PTPRG: variants seen among roughly 807,000 people sequenced by gnomAD.
PTPRG encodes the protein receptor-type tyrosine-protein phosphatase gamma.
A neutral mutation model predicts 165.3 loss-of-function variants in PTPRG; 102 were observed. The ratio of observed to expected loss-of-function variants is 0.62; its 90% CI spans 0.53 to 0.73. PTPRG has a LOEUF of 0.73. PTPRG is among the 30% of genes least tolerant of loss of function. PTPRG has a pLI of 0.00. For missense variants in PTPRG, 1,866 were observed against 1,861.4 expected (o/e 1.00, Z -0.05); for synonymous variants, 675 against 669.5 (o/e 1.01, Z -0.13).
intron 12 of PTPRG, among the ~76,000 whole-genome samples, chr3:62,216,529 C>CT (rs1273827930): frequency 6.6e-6 from 1 of 151,912 alleles, no homozygotes; most frequent in Admixed American, 6.5e-5. Context: ...ACATCCAGGT[C>CT]TTTGAGATTC....
At chr3:62,102,698 C>G (rs1559508195) in intron 5 of PTPRG, among the ~76,000 whole-genome samples, 1 of 152,130 alleles carries the variant, frequency 6.6e-6, no homozygotes, top group African/African-American at 2.4e-5. Context: ...TCACTACTCT[C>G]TGCCGGTGAC....
chr3:61,595,065 A>C (rs1700663929), intron 1 of PTPRG, among the ~76,000 whole-genome samples: 1 of 152,126 alleles, frequency 6.6e-6, no homozygotes, highest in African/African-American at 2.4e-5. Context: ...CATTTTGTCA[A>C]AACACACAGA....
intron 2 of PTPRG, among the ~76,000 whole-genome samples, chr3:61,752,785 C>CAAAAAAAAAAA (rs749817659): frequency 0.074 from 5,143 of 69,660 alleles, 543 homozygotes; most frequent in East Asian, 0.16. Context: ...AAGACTGTCT[C>CAAAAAAAAAAA]AAAAAAAAAA....
At chr3:61,711,657 C>T (rs1486648581) in intron 1 of PTPRG, among the ~76,000 whole-genome samples, 1 of 152,166 alleles carries the variant, frequency 6.6e-6, no homozygotes, top group African/African-American at 2.4e-5. Flanking sequence ...AGGCAACATA[C>T]AGAATGGGAG....
intron 4 of PTPRG, among the ~76,000 whole-genome samples, chr3:62,017,125 A>G (rs1017910238): frequency 1.3e-5 from 2 of 152,188 alleles, no homozygotes; most frequent in Non-Finnish European, 2.9e-5. Flanking sequence ...CTGCTAATGA[A>G]CATAGTCCCA....
At chr3:61,766,895 C>G (rs1258059543) in intron 2 of PTPRG, among the ~76,000 whole-genome samples, 1 of 151,190 alleles carries the variant, frequency 6.6e-6, no homozygotes, top group African/African-American at 2.4e-5. Context: ...GCTGGGATTA[C>G]AGGCATGAGC....
intron 1 of PTPRG, among the ~76,000 whole-genome samples, chr3:61,596,161 C>T (rs1700693259): frequency 6.6e-6 from 1 of 152,132 alleles, no homozygotes; most frequent in Non-Finnish European, 1.5e-5. Flanking sequence ...TGAAAAGTTG[C>T]TTATCTTTGA....
intron 1 of PTPRG, among the ~76,000 whole-genome samples, chr3:61,692,959 A>C (rs1225214561): frequency 6.6e-6 from 1 of 152,122 alleles, no homozygotes; most frequent in Non-Finnish European, 1.5e-5. Context: ...TATGTTGTAC[A>C]TTTTCTTCTT....
In PTPRG at chr3:62,195,029, C is replaced by G. The variant is rs766719311; in HGVS notation, c.1219-33C>G. 2 of 1,603,976 alleles carry G rather than the reference C, an allele frequency of 1.2e-6. No individual in the cohort carries two copies. Among genetic ancestry groups the G allele is most frequent in the Non-Finnish European group, 1.7e-6 (2 of 1,170,816 alleles). The stretch of plus-strand genomic sequence containing the variant: ...GCAAAGTGTGCCTTGGCCTTCAAAA[C>G]TAACTCACTGCTTTTTCCTTCTTTA... On this transcript the variant is annotated intron_variant, in intron 9 of 29. Transcript: ENST00000474889. The surrounding 1 kb of genome is among the most constrained non-coding windows in gnomAD (Gnocchi z 4.4).
chr3:62,262,988 C>G lies in PTPRG; in HGVS notation c.2656+94C>G. The G allele has an allele frequency of 3.4e-6, 3 of 877,262 alleles. 1 individual carries two copies. In the South Asian group the frequency reaches 4.9e-5, roughly 14 times the overall value. 54.3% of individuals were successfully genotyped at this position (877,262 alleles called of 1,614,324 possible). A position where few individuals can be genotyped will look rare whatever the true frequency, so the allele number is the denominator to read the frequency against. ...AAGCCAAGCAGTCAGAAGCAGGATG[C>G]CAAGAAAGAATGATTCTTGCAAGCT... On this transcript the variant is annotated intron_variant, in intron 17 of 29. Transcript: ENST00000474889.
chr3:61,580,205 G>C (rs1458715064), intron 1 of PTPRG, among the ~76,000 whole-genome samples: 1 of 152,074 alleles, frequency 6.6e-6, no homozygotes, highest in African/African-American at 2.4e-5. Context: ...TACTCTGGAG[G>C]CTGAGGCAGG....
At position 62,026,871 on chromosome 3, in the gene PTPRG, G is replaced by T. The variant is rs146915811; in HGVS notation, c.519+23374G>T. ...GCTGCACTCCAGCCTGGGAAACCGA[G>T]TGAGAATTAAAAAAAAAAAAAAAGA... On this transcript the variant is annotated intron_variant, in intron 4 of 29. Transcript: ENST00000474889. 1.4e-3 allele frequency among the ~76,000 whole-genome samples: 56 copies of T among 39,808 alleles called. No individual in the cohort carries two copies. In the South Asian group the frequency reaches 0.021, roughly 15 times the overall value. 26.1% of individuals were successfully genotyped at this position (39,808 alleles called of 152,430 possible).
At chr3:62,154,771 A>G (rs867314533) in intron 6 of PTPRG, among the ~76,000 whole-genome samples, 4 of 152,124 alleles carry the variant, frequency 2.6e-5, no homozygotes, top group African/African-American at 9.7e-5. Flanking sequence ...TTCTCTAGCC[A>G]TTCGGCCTGG....
intron 2 of PTPRG, among the ~76,000 whole-genome samples, chr3:61,881,361 C>G (rs1002881669): frequency 1.3e-5 from 2 of 152,122 alleles, no homozygotes; most frequent in African/African-American, 2.4e-5. Flanking sequence ...TTAGAGAGAA[C>G]AATGGTGGTG....
intron 1 of PTPRG, among the ~76,000 whole-genome samples, chr3:61,591,440 A>G (rs1700566575): frequency 6.6e-6 from 1 of 152,262 alleles, no homozygotes; most frequent in South Asian, 2.1e-4. Context: ...GTATGAATCC[A>G]GGACCTCCTA....
intron 6 of PTPRG, among the ~76,000 whole-genome samples, chr3:62,146,346 C>A (rs1435450498): frequency 6.6e-6 from 1 of 152,116 alleles, no homozygotes; most frequent in Admixed American, 6.6e-5. Flanking sequence ...CTATTCATGA[C>A]CTTGGATTGC....
chr3:61,610,636 T>G (rs1701137432), intron 1 of PTPRG, among the ~76,000 whole-genome samples: 1 of 152,234 alleles, frequency 6.6e-6, no homozygotes, highest in Admixed American at 6.5e-5. Flanking sequence ...TATGCAGCAT[T>G]TAATAAGACA....
At chr3:61,943,177 T>C (rs1394854448) in intron 2 of PTPRG, among the ~76,000 whole-genome samples, 4 of 152,156 alleles carry the variant, frequency 2.6e-5, no homozygotes, top group Admixed American at 2.6e-4. Context: ...ATTCTTGTAG[T>C]AGGAAGGGAA....
chr3:61,907,810 A>G (rs577761108), intron 2 of PTPRG, among the ~76,000 whole-genome samples: 1 of 152,250 alleles, frequency 6.6e-6, no homozygotes, highest in South Asian at 2.1e-4. Context: ...ACCAAGGTAC[A>G]GGTCTGAAGG....
Sources: allele counts gnomAD v4.1 joint callset (sites outside exome capture counted in the v4.1 genomes callset), GRCh38; gene constraint gnomAD v4.1.1; non-coding constraint Gnocchi (gnomAD v3.1); transcripts MANE v1.5; gene names NCBI Gene and HGNC (gene_info 2026-07-23, HGNC 2026-07-21).